NEK4: variants seen among roughly 807,000 people sequenced by gnomAD.
The protein encoded by NEK4 is NIMA related kinase 4.
A neutral mutation model predicts 98.4 loss-of-function variants in NEK4; 86 were observed. The observed-to-expected ratio is 0.87, with a 90% CI of 0.73 to 1.05. The LOEUF (loss-of-function observed/expected upper bound fraction) is 1.05, where lower values mean the gene tolerates loss of function less well. Among genes scored for constraint, NEK4 ranks in the 50% least tolerant of loss-of-function variants. The pLI is 0.00. For missense variants in NEK4, 898 were observed against 950.3 expected (o/e 0.94, Z 0.72); for synonymous variants, 328 against 342.2 (o/e 0.96, Z 0.46).
At chr3:52,738,261 C>T (rs2154103506) in intron 14 of NEK4, among the ~76,000 whole-genome samples, 1 of 152,132 alleles carries the variant, frequency 6.6e-6, no homozygotes, top group Middle Eastern at 3.4e-3. Flanking sequence ...AATGCACTAC[C>T]ATGTCCAACT....
At chr3:52,723,159 T>G (rs2097361591) in intron 15 of NEK4, among the ~76,000 whole-genome samples, 3 of 152,104 alleles carry the variant, frequency 2.0e-5, no homozygotes, top group Admixed American at 2.0e-4. Context: ...GAGCTATCAC[T>G]GCACCACTGC....
intron 15 of NEK4, among the ~76,000 whole-genome samples, chr3:52,715,204 G>A (rs2097354074): frequency 6.6e-6 from 1 of 152,222 alleles, no homozygotes; most frequent in Non-Finnish European, 1.5e-5. Flanking sequence ...GGTACTTCCT[G>A]CCGTTTAAGT....
chr3:52,726,972 T>A (rs968055565), intron 15 of NEK4, among the ~76,000 whole-genome samples: 2 of 150,228 alleles, frequency 1.3e-5, no homozygotes, highest in African/African-American at 4.9e-5. Context: ...CTAAAACTTT[T>A]TTTTTTTTTT....
At position 52,765,624 on chromosome 3, in the gene NEK4, C is replaced by A. The variant is rs1418874608; in HGVS notation, c.666+263G>T. Among the ~76,000 whole-genome samples, 3 of 152,310 alleles carry A rather than the reference C, an allele frequency of 2.0e-5. No individual in the cohort carries two copies. The East Asian group carries it at 5.8e-4, about 29-fold the overall frequency. Reference sequence around the variant, plus strand: ...TAGCCTCTCAGGGCATCGGCACATCCTATGACTATAGGCATAGGTTTTCAA... The same window carrying A: ...TAGCCTCTCAGGGCATCGGCACATCATATGACTATAGGCATAGGTTTTCAA... On this transcript the variant is annotated intron_variant, in intron 4 of 15. Transcript: ENST00000233027.
At chr3:52,734,567 G>T (rs1237757449) in intron 15 of NEK4, among the ~76,000 whole-genome samples, 2 of 151,668 alleles carry the variant, frequency 1.3e-5, no homozygotes, top group African/African-American at 4.8e-5. Flanking sequence ...CAGCTACTAG[G>T]GAGGCTGAGG....
intron 5 of NEK4, among the ~76,000 whole-genome samples, chr3:52,762,221 A>C (rs1698383518): frequency 6.6e-6 from 1 of 152,214 alleles, no homozygotes; most frequent in South Asian, 2.1e-4. Flanking sequence ...TTCTCTTGGG[A>C]AGTTAATGTG....
intron 6 of NEK4, among the ~76,000 whole-genome samples, chr3:52,755,750 T>G (rs912475656): frequency 9.2e-5 from 14 of 152,056 alleles, no homozygotes; most frequent in African/African-American, 3.4e-4. Flanking sequence ...AGAAGTAAAA[T>G]TATCTCCTTT....
intron 8 of NEK4, among the ~76,000 whole-genome samples, chr3:52,749,078 C>G (rs2097400844): frequency 6.6e-6 from 1 of 151,876 alleles, no homozygotes; most frequent in Non-Finnish European, 1.5e-5. Context: ...CAGAGCAAGG[C>G]CTTGCAGAAG....
chr3:52,746,878 T>C lies in NEK4; in HGVS notation c.1533A>G (p.Ile511Met). The change falls in exon 9 of 16, where the codon ATA (isoleucine) becomes ATG (methionine). Residue 511 changes from isoleucine (I) to methionine (M), a missense_variant. Physicochemically the swap from Ile to Met is conservative, Grantham distance 10. Transcript: ENST00000233027. ...CTGGGTGGATTCTGCCCTGTTTTTCTATAATACATTCACCAGCAACTTGAT... is the reference window on the plus strand; with the variant it reads ...CTGGGTGGATTCTGCCCTGTTTTTCCATAATACATTCACCAGCAACTTGAT... ...AQDQVAGECI[I>M]EKQGRIHPDL... 2 of 1,613,838 alleles carry C rather than the reference T, an allele frequency of 1.2e-6. No homozygotes were observed. The highest frequency in any genetic ancestry group is 1.1e-5 in the South Asian group (1 of 91,054).
intron 6 of NEK4, among the ~76,000 whole-genome samples, chr3:52,752,927 T>TACACACACACACACACACACACAC (rs1299044456): frequency 6.6e-5 from 3 of 45,662 alleles, no homozygotes; most frequent in African/African-American, 2.3e-4. Context: ...AATATATATA[T>TACACACACACACACACACACACAC]ATATATACAC....
rs776045071 is a variant in NEK4, at chr3:52,760,934, T to TA, written c.823_824insT (p.Lys275IlefsTer6). On this transcript the variant is annotated frameshift_variant and splice_region_variant, in exon 6 of 16. Coordinates refer to ENST00000233027, the MANE Select transcript of NEK4 (RefSeq NM_003157.6). LOFTEE classifies it high-confidence loss of function. ...ATTTTTAATGTTATTTTTGGAGGTT[T>TA]TTCTTTATAAAGAAGAAAAGAAAGA... 3 of 1,568,576 alleles carry TA rather than the reference T, an allele frequency of 1.9e-6. No individual in the cohort carries two copies. The East Asian group carries it at 6.7e-5, about 35-fold the overall frequency.
chr3:52,745,269 T>C (rs552722793), intron 10 of NEK4, among the ~76,000 whole-genome samples: 2 of 151,680 alleles, frequency 1.3e-5, no homozygotes, highest in Admixed American at 1.3e-4. Context: ...AACCACAGAA[T>C]CTGTCCATTT....
intron 15 of NEK4, chr3:52,733,514 C>T: frequency 2.1e-6 from 1 of 466,922 alleles, no homozygotes; most frequent in Non-Finnish European, 4.2e-6. Context: ...AGTCATACTG[C>T]AGAAAAACCT....
rs1559452134 is a variant in NEK4, at chr3:52,766,389, CAA to C, written c.361-16_361-15del. 1 of 1,584,342 alleles carries C rather than the reference CAA, an allele frequency of 6.3e-7. No homozygotes were observed. The highest frequency in any genetic ancestry group is 1.3e-5 in the African/African-American group (1 of 74,350). The stretch of plus-strand genomic sequence containing the variant: ...TTCATGTAAATACTGAGGAAAGAAA[CAA>C]GATTTTATTACATATAAATAGACTT... On this transcript the variant is annotated splice_polypyrimidine_tract_variant and intron_variant, in intron 2 of 15. Transcript: ENST00000233027.
In NEK4 at chr3:52,752,305, G is replaced by A. The variant is rs1179706542; in HGVS notation, c.995C>T (p.Pro332Leu). The change falls in exon 7 of 16, where the codon CCC becomes CTC. Residue 332 changes from proline to leucine, a missense_variant. Transcript: ENST00000233027. The part of the protein sequence containing the change: ...GEGKCLSQEK[P>L]RASGLLKSPA... ...TGACTTCAAGAGACCAGAGGCCCTGGGTTTCTCCTGGGACAAACATTTGCC... is the reference window on the plus strand; with the variant it reads ...TGACTTCAAGAGACCAGAGGCCCTGAGTTTCTCCTGGGACAAACATTTGCC... The A allele has an allele frequency of 1.2e-6, 2 of 1,613,744 alleles. No homozygotes were observed. The highest frequency in any genetic ancestry group is 1.3e-5 in the African/African-American group (1 of 74,876).
chr3:52,738,657 C>G (rs2097380442), intron 14 of NEK4, among the ~76,000 whole-genome samples: 1 of 151,926 alleles, frequency 6.6e-6, no homozygotes, highest in South Asian at 2.1e-4. Context: ...CATCATGTTG[C>G]CCAGGCTGGT....
chr3:52,764,130 C>CA (rs977586284), intron 4 of NEK4, among the ~76,000 whole-genome samples: 4 of 151,244 alleles, frequency 2.6e-5, no homozygotes, highest in African/African-American at 7.3e-5. Context: ...ACTAAAAATA[C>CA]AAAAAAATTA....
chr3:52,746,249 T>C (rs766941081), intron 9 of NEK4, 39 bp from the exon 10 acceptor site: 7 of 1,588,022 alleles, frequency 4.4e-6, no homozygotes, highest in South Asian at 2.2e-5. Context: ...GTTTCATATA[T>C]AGCCCCTTCC....
intron 15 of NEK4, among the ~76,000 whole-genome samples, chr3:52,714,976 G>A (rs1372073855): frequency 3.3e-5 from 5 of 152,222 alleles, no homozygotes; most frequent in East Asian, 1.9e-4. Context: ...GGGAGTGGAG[G>A]GCAGCTTGGC....
Sources: allele counts gnomAD v4.1 joint callset (sites outside exome capture counted in the v4.1 genomes callset), GRCh38; gene constraint gnomAD v4.1.1; transcripts MANE v1.5; gene names NCBI Gene and HGNC (gene_info 2026-07-23, HGNC 2026-07-21).